Variants in ZBBX observed in about 807,000 individuals in gnomAD.
The protein encoded by ZBBX is zinc finger B-box domain containing, also known as zinc finger B-box domain-containing protein 1.
In ZBBX, 101 loss-of-function variants were observed where a neutral mutation model predicts 108.5. The observed-to-expected ratio is 0.93, with a 90% CI of 0.79 to 1.10. The LOEUF (loss-of-function observed/expected upper bound fraction) is 1.10. ZBBX is among the 50% of genes least tolerant of loss of function. The pLI is 0.00. For synonymous variants in ZBBX, 356 were observed against 323.4 expected (o/e 1.10, Z -1.08); for missense variants, 1,009 against 941.4 (o/e 1.07, Z -0.94).
At chr3:167,331,562 T>C (rs1738631915) in intron 10 of ZBBX, 1 of 985,242 alleles carries the variant, frequency 1.0e-6, no homozygotes, top group African/African-American at 1.7e-5. Flanking sequence ...GCCATTGGAA[T>C]ACCTGGCTTC....
At chr3:167,217,051 C>T in the ZBBX span, among the ~76,000 whole-genome samples, 1 of 152,056 alleles carries the variant, frequency 6.6e-6, no homozygotes, top group Admixed American at 6.6e-5. Flanking sequence ...CAATCCTGGA[C>T]CTAAGAATGG....
chr3:167,337,434 G>A (rs1020867624), intron 9 of ZBBX, among the ~76,000 whole-genome samples: 12 of 152,030 alleles, frequency 7.9e-5, no homozygotes, highest in African/African-American at 2.2e-4. Flanking sequence ...CAGGAGAGTC[G>A]CTTGAACTGG....
At chr3:167,374,629 A>G (rs1746662614) in intron 2 of ZBBX, among the ~76,000 whole-genome samples, 1 of 152,158 alleles carries the variant, frequency 6.6e-6, no homozygotes, top group Non-Finnish European at 1.5e-5. Context: ...CAATGTGCTG[A>G]GAGGTATGGA....
chr3:167,323,716 G>T (rs1031991727), intron 11 of ZBBX, among the ~76,000 whole-genome samples: 1 of 152,080 alleles, frequency 6.6e-6, no homozygotes, highest in African/African-American at 2.4e-5. Flanking sequence ...GGGATCATGG[G>T]TGTTTTCCTT....
chr3:167,217,491 A>C, the ZBBX span, among the ~76,000 whole-genome samples: 2 of 152,188 alleles, frequency 1.3e-5, no homozygotes, highest in Non-Finnish European at 2.9e-5. Flanking sequence ...GTTACAGAGG[A>C]AAGAGAACAC....
downstream of ZBBX, among the ~76,000 whole-genome samples, chr3:167,238,728 T>C (rs1720332956): frequency 6.6e-6 from 1 of 152,080 alleles, no homozygotes; most frequent in South Asian, 2.1e-4. Context: ...TGTCCTAAAA[T>C]GTCACAAAGT....
In ZBBX at chr3:167,263,020, CTTGCTTTTCTAGTTCTT is replaced by C. The variant is rs1326385348; in HGVS notation, c.2254+19201_2254+19217del. On this transcript the variant is annotated intron_variant, in intron 20 of 21. Transcript: ENST00000675490. ...CCACTAATTTGAGGTTTGGTTTGTG[CTTGCTTTTCTAGTTCTT>C]TTTTTTTTTTTTTTTTTTGAGATGG... Among the ~76,000 whole-genome samples, 21 of 143,862 alleles carry C rather than the reference CTTGCTTTTCTAGTTCTT, an allele frequency of 1.5e-4. 1 individual carries two copies. The South Asian group carries it at 4.6e-3, about 32-fold the overall frequency. The allele number at this position is 143,862 out of a possible 152,430, so 94.4% of individuals were successfully genotyped here.
chr3:167,276,739 G>C (rs1338525116), intron 20 of ZBBX, among the ~76,000 whole-genome samples: 2 of 152,162 alleles, frequency 1.3e-5, no homozygotes, highest in African/African-American at 4.8e-5. Flanking sequence ...AGGAAATATA[G>C]AGAACGCCAC....
At chr3:167,375,870 G>A (rs950848132) in intron 2 of ZBBX, among the ~76,000 whole-genome samples, 2 of 152,100 alleles carry the variant, frequency 1.3e-5, no homozygotes, top group Admixed American at 6.5e-5. Context: ...ATAAGGTAGC[G>A]GTTGCCTTAT....
intron 20 of ZBBX, among the ~76,000 whole-genome samples, chr3:167,279,113 A>C (rs1190311065): frequency 6.6e-6 from 1 of 151,258 alleles, no homozygotes; most frequent in African/African-American, 2.4e-5. Flanking sequence ...AAATAATAAG[A>C]GCTATCTATG....
At chr3:167,302,209 T>C (rs1732813706) in intron 17 of ZBBX, among the ~76,000 whole-genome samples, 1 of 152,170 alleles carries the variant, frequency 6.6e-6, no homozygotes, top group African/African-American at 2.4e-5. Flanking sequence ...GTTCAAAATA[T>C]GTTCTTTAAA....
intron 20 of ZBBX, among the ~76,000 whole-genome samples, chr3:167,265,718 C>G (rs965625039): frequency 6.6e-6 from 1 of 152,196 alleles, no homozygotes; most frequent in South Asian, 2.1e-4. Context: ...CCCCCAGGCA[C>G]TTCAGCTCAA....
At chr3:167,396,044 A>G (rs192979805) in intron 1 of ZBBX, among the ~76,000 whole-genome samples, 1 of 152,146 alleles carries the variant, frequency 6.6e-6, no homozygotes, top group African/African-American at 2.4e-5. Flanking sequence ...TTGTCATGGC[A>G]TGATTGCGGA....
At chr3:167,289,004 G>A in intron 18 of ZBBX, 21 bp from the exon 19 acceptor site, 1 of 1,491,834 alleles carries the variant, frequency 6.7e-7, no homozygotes, top group South Asian at 1.3e-5. Flanking sequence ...AAAACAGTAA[G>A]ATAACATAAA....
downstream of ZBBX, among the ~76,000 whole-genome samples, chr3:167,235,108 G>A (rs1720178649): frequency 6.6e-6 from 1 of 151,652 alleles, no homozygotes; most frequent in Non-Finnish European, 1.5e-5. Flanking sequence ...AAATTTCACT[G>A]CTCTTTAGTG....
At chr3:167,211,870 A>G in the ZBBX span, among the ~76,000 whole-genome samples, 1 of 151,836 alleles carries the variant, frequency 6.6e-6, no homozygotes, top group Non-Finnish European at 1.5e-5. Context: ...GTGGGCCACC[A>G]TCTTTGTTGT....
chr3:167,242,452 G>T (rs538498395), intron 21 of ZBBX, 53 bp downstream of exon 21: 13 of 1,462,528 alleles, frequency 8.9e-6, no homozygotes, highest in Middle Eastern at 1.9e-4. Context: ...GTTGGAGCTT[G>T]TCAAAATTTT....
chr3:167,370,127 T>C (rs1745930384), intron 4 of ZBBX, among the ~76,000 whole-genome samples: 1 of 152,104 alleles, frequency 6.6e-6, no homozygotes, highest in African/African-American at 2.4e-5. Flanking sequence ...AGGAAATCAA[T>C]TAGAGGGTGC....
At chr3:167,407,595 C>T (rs1221786931) in intron 1 of ZBBX, among the ~76,000 whole-genome samples, 4 of 151,920 alleles carry the variant, frequency 2.6e-5, no homozygotes, top group African/African-American at 9.7e-5. Flanking sequence ...ATACAGTATA[C>T]ACTGTATTCT....
Sources: allele counts gnomAD v4.1 joint callset (sites outside exome capture counted in the v4.1 genomes callset), GRCh38; gene constraint gnomAD v4.1.1; transcripts MANE v1.5; gene names NCBI Gene and HGNC (gene_info 2026-07-23, HGNC 2026-07-21).